VPS13B: variants seen among roughly 807,000 people sequenced by gnomAD.
VPS13B encodes the protein intermembrane lipid transfer protein VPS13B.
VPS13B carries 285 observed loss-of-function variants against 426.4 expected under a neutral mutation model. The ratio of observed to expected loss-of-function variants is 0.67; its 90% confidence interval spans 0.61 to 0.74. The LOEUF (loss-of-function observed/expected upper bound fraction) is 0.74, where lower values mean the gene tolerates loss of function less well. VPS13B is among the 30% of genes least tolerant of loss of function. The pLI is 0.00. For synonymous variants in VPS13B, 1,676 were observed against 1,676.4 expected (o/e 1.00, Z 0.01); for missense variants, 4,537 against 4,782.6 (o/e 0.95, Z 1.51).
intron 21 of VPS13B, among the ~76,000 whole-genome samples, chr8:99,408,926 G>C (rs1172621175): frequency 6.6e-6 from 1 of 152,152 alleles, no homozygotes; most frequent in Non-Finnish European, 1.5e-5. Flanking sequence ...ATGTGGAAAT[G>C]ATCAACTTTT....
chr8:99,512,732 G>C lies in VPS13B; in HGVS notation c.4633+1220G>C, dbSNP rs1260640152. On this transcript the variant is annotated intron_variant, in intron 29 of 61. Coordinates refer to ENST00000357162, the MANE Select transcript of VPS13B (RefSeq NM_152564.5). ...TTACATTTAATAAAGACCATGGGCTGGGCACGGTGGCTCACGCCTGTAATC... is the reference window on the plus strand; with the variant it reads ...TTACATTTAATAAAGACCATGGGCTCGGCACGGTGGCTCACGCCTGTAATC... 7.2e-5 allele frequency among the ~76,000 whole-genome samples: 11 copies of C among 152,268 alleles called. No homozygotes were observed. In the East Asian group the frequency reaches 1.9e-3, roughly 27 times the overall value.
chr8:99,193,452 T>G (rs562909305), intron 17 of VPS13B, among the ~76,000 whole-genome samples: 16 of 151,986 alleles, frequency 1.1e-4, no homozygotes, highest in African/African-American at 2.4e-4. Context: ...TAAACAATTT[T>G]TGTGTGTGTG....
rs927407907 is a variant in VPS13B, at chr8:99,357,204, A to G, written c.2825-27004A>G. 5.3e-5 allele frequency among the ~76,000 whole-genome samples: 8 copies of G among 152,246 alleles called. No homozygotes were observed. In the East Asian group the frequency reaches 1.2e-3, roughly 22 times the overall value. On this transcript the variant is annotated intron_variant, in intron 19 of 61. Transcript: ENST00000357162. ...TGCCCTTTCTTCCTCTACCTCACCT[A>G]TTCAGACCTCTATCTCCAGAAAGAT...
intron 17 of VPS13B, among the ~76,000 whole-genome samples, chr8:99,217,057 T>C (rs375926636): frequency 6.6e-6 from 1 of 152,204 alleles, no homozygotes; most frequent in African/African-American, 2.4e-5. Context: ...TGTTGTGTTT[T>C]CTGTTTACTC....
At chr8:99,582,691 T>C (rs1435306440) in intron 33 of VPS13B, among the ~76,000 whole-genome samples, 1 of 152,218 alleles carries the variant, frequency 6.6e-6, no homozygotes, top group Non-Finnish European at 1.5e-5. Context: ...AGTCTCGCTC[T>C]GTCTCCCAGG....
At chr8:99,039,227 T>A (rs1842870682) in intron 3 of VPS13B, among the ~76,000 whole-genome samples, 1 of 152,176 alleles carries the variant, frequency 6.6e-6, no homozygotes, top group African/African-American at 2.4e-5. Flanking sequence ...TACATAATTT[T>A]TCTAAATCTG....
At chr8:99,501,664 A>ATTT in intron 25 of VPS13B, 23 bp from the exon 26 acceptor site, 2 of 1,604,092 alleles carry the variant, frequency 1.2e-6, no homozygotes, top group Non-Finnish European at 1.7e-6. Context: ...ACAAAGTAAG[A>ATTT]TTTTTTTTTC....
At chr8:99,339,459 C>T (rs796631606) in intron 19 of VPS13B, among the ~76,000 whole-genome samples, 3 of 152,208 alleles carry the variant, frequency 2.0e-5, no homozygotes, top group African/African-American at 7.2e-5. Flanking sequence ...CACTCATTAT[C>T]ATGAGGACAG....
chr8:99,807,690 TG>T (rs1210232997), intron 43 of VPS13B, among the ~76,000 whole-genome samples: 2 of 151,780 alleles, frequency 1.3e-5, no homozygotes, highest in African/African-American at 4.8e-5. Flanking sequence ...TGTGTGTGTG[TG>T]TGTGTGTGTG....
At chr8:99,786,488 G>C (rs567489439) in intron 43 of VPS13B, among the ~76,000 whole-genome samples, 2 of 152,240 alleles carry the variant, frequency 1.3e-5, no homozygotes, top group South Asian at 2.1e-4. Context: ...AGTTTGAAAA[G>C]AAGGGCTGAG....
At chr8:99,263,284 A>G (rs1367783829) in intron 17 of VPS13B, among the ~76,000 whole-genome samples, 3 of 152,202 alleles carry the variant, frequency 2.0e-5, no homozygotes, top group Non-Finnish European at 2.9e-5. Flanking sequence ...GTTGGCCCTG[A>G]AAGCTAAATC....
chr8:99,693,096 A>G (rs2130106594), intron 35 of VPS13B, among the ~76,000 whole-genome samples: 1 of 143,208 alleles, frequency 7.0e-6, no homozygotes, highest in South Asian at 2.2e-4. Flanking sequence ...ATGGATTCAC[A>G]GCCGAATTCT....
intron 24 of VPS13B, among the ~76,000 whole-genome samples, chr8:99,478,970 G>T (rs563735120): frequency 6.6e-6 from 1 of 152,062 alleles, no homozygotes; most frequent in Admixed American, 6.6e-5. Flanking sequence ...TAAATTGATT[G>T]GTGAAATTCC....
chr8:99,100,548 C>T (rs1272658358), intron 4 of VPS13B, among the ~76,000 whole-genome samples: 1 of 151,950 alleles, frequency 6.6e-6, no homozygotes, highest in Non-Finnish European at 1.5e-5. Flanking sequence ...CTTCGGCCTC[C>T]CAAAGTGCTG....
intron 2 of VPS13B, among the ~76,000 whole-genome samples, chr8:99,036,505 G>A (rs1294084816): frequency 2.0e-5 from 3 of 152,066 alleles, no homozygotes; most frequent in Non-Finnish European, 4.4e-5. Context: ...TACTATATAT[G>A]TATGTTGTTT....
intron 33 of VPS13B, among the ~76,000 whole-genome samples, chr8:99,590,246 C>T (rs1381199595): frequency 1.3e-5 from 2 of 151,980 alleles, no homozygotes; most frequent in East Asian, 3.9e-4. Context: ...ATTAGTCTTG[C>T]TAGCAGTCTA....
At chr8:99,458,014 C>A (rs1323134386) in intron 23 of VPS13B, among the ~76,000 whole-genome samples, 1 of 151,844 alleles carries the variant, frequency 6.6e-6, no homozygotes, top group African/African-American at 2.4e-5. Flanking sequence ...GTGCTGCACC[C>A]ATTAACTGGT....
At chr8:99,837,433 A>G (rs1008827943) in intron 54 of VPS13B, among the ~76,000 whole-genome samples, 7 of 152,174 alleles carry the variant, frequency 4.6e-5, no homozygotes, top group African/African-American at 1.7e-4. Flanking sequence ...ACTCCCCTGC[A>G]TGGGTTTGAA....
chr8:99,750,723 T>A (rs553471580), intron 39 of VPS13B, among the ~76,000 whole-genome samples: 21 of 152,242 alleles, frequency 1.4e-4, no homozygotes, highest in African/African-American at 4.8e-4. Flanking sequence ...TGCACAGATA[T>A]GCACAGATAA....
Sources: gnomAD v4.1 joint callset for allele counts (sites outside exome capture counted in the v4.1 genomes callset) on GRCh38, gnomAD v4.1.1 for gene constraint, MANE v1.5 for transcripts, NCBI Gene and HGNC (gene_info 2026-07-23, HGNC 2026-07-21) for gene names.